C1orf162: variants seen among roughly 807,000 people sequenced by gnomAD.
C1orf162 encodes chromosome 1 open reading frame 162, also known as transmembrane protein C1orf162.
C1orf162 carries 10 observed loss-of-function variants against 11.4 expected under a neutral mutation model. The observed-to-expected ratio is 0.88, with a 90% CI of 0.54 to 1.48. The LOEUF is 1.48. Among genes scored for constraint, C1orf162 ranks in the 40% most tolerant of loss-of-function variants. The pLI is 0.00. For synonymous variants in C1orf162, 53 were observed against 55.0 expected (o/e 0.96, Z 0.16); for missense variants, 140 against 149.5 (o/e 0.94, Z 0.33).
Position 111,473,993 on chromosome 1 carries a change from C to T in C1orf162, c.-49C>T, listed in dbSNP as rs150360061. On this transcript the variant is annotated 5_prime_UTR_variant, in exon 1 of 6. The change creates a new upstream start codon in the 5' untranslated region. Transcript: ENST00000369718. ...AGCAAGTGAAATGCTCAGTCTTAGA[C>T]GACTGCGTCGTGCTATGACCGGACT... 2.0e-3 allele frequency: 311 copies of T among 152,312 alleles called. 1 individual carries two copies. The highest frequency in any genetic ancestry group is 6.9e-3 in the African/African-American group (288 of 41,576). The allele number at this position is 152,312 out of a possible 1,614,324, so 9.4% of individuals were successfully genotyped here.
In C1orf162 at chr1:111,478,298, T is replaced by C; in HGVS notation, c.*175T>C. ...CATCTTTGGAGACCAATGGTCAGTC[T>C]TTTCCTGGCCAGAGGAAAGATTGAT... On this transcript the variant is annotated 3_prime_UTR_variant, in exon 6 of 6. Transcript: ENST00000369718. The C allele has an allele frequency of 1.3e-6, 1 of 747,160 alleles. No homozygotes were observed. The highest frequency in any genetic ancestry group is 2.2e-6 in the Non-Finnish European group (1 of 463,884). 46.3% of individuals were successfully genotyped at this position (747,160 alleles called of 1,614,324 possible).
At chr1:111,477,621 A>G in intron 4 of C1orf162, 105 bp from the exon 5 acceptor site, 2 of 1,580,404 alleles carry the variant, frequency 1.3e-6, no homozygotes, top group Non-Finnish European at 1.7e-6. Context: ...ACCTGCCAAC[A>G]CCTCCTCCCC....
intron 1 of C1orf162, among the ~76,000 whole-genome samples, chr1:111,474,232 A>G (rs1653923139): frequency 6.6e-6 from 1 of 152,236 alleles, no homozygotes; most frequent in African/African-American, 2.4e-5. Flanking sequence ...AAGTATATAT[A>G]GCACCGCTTC....
Position 111,477,322 on chromosome 1 carries a change from T to C in C1orf162, c.108-12T>C, listed in dbSNP as rs373679552. On this transcript the variant is annotated splice_polypyrimidine_tract_variant and intron_variant, in intron 3 of 5. Transcript: ENST00000369718. The stretch of plus-strand genomic sequence containing the variant: ...CCAACAGTTCATCCCCTGCCTTTCT[T>C]TGCCAAAACAGCAAAAAACATTTAA... 8 of 1,611,460 alleles carry C rather than the reference T, an allele frequency of 5.0e-6. No homozygotes were observed. The highest frequency in any genetic ancestry group is 1.7e-5 in the Admixed American group (1 of 60,008).
At position 111,478,099 on chromosome 1, in the gene C1orf162, T is replaced by A; in HGVS notation, c.369T>A (p.Tyr123Ter). The A allele has an allele frequency of 6.2e-7, 1 of 1,614,228 alleles. No individual in the cohort carries two copies. ...NHSADFDPIV[Y>*]AQIKVTN ...CTGCAGACTTTGACCCCATTGTCTA[T>A]GCTCAAATTAAAGTAACAAACTAAC... Residue 123 changes from tyrosine (Y) to a stop codon, truncating the protein, a stop_gained, in exon 6 of 6, where the codon TAT (tyrosine) becomes TAA (stop). Transcript: ENST00000369718. LOFTEE classifies it high-confidence loss of function.
At chr1:111,477,127 G>C (rs531855022) in intron 3 of C1orf162, 7 of 636,756 alleles carry the variant, frequency 1.1e-5, no homozygotes, top group African/African-American at 1.8e-5. Flanking sequence ...GGTTGAGGGA[G>C]GGGGAGAGGA....
At chr1:111,475,975 C>G (rs1653974373) in intron 1 of C1orf162, 43 bp from the exon 2 acceptor site, 1 of 1,555,466 alleles carries the variant, frequency 6.4e-7, no homozygotes, top group Non-Finnish European at 8.9e-7. Flanking sequence ...TAAGCCGGCT[C>G]TCCCTTCCAA....
In C1orf162 at chr1:111,477,397, TATCTTCCTC is replaced by T. The variant is rs1174010387; in HGVS notation, c.175_183del (p.Phe59_Ile61del). 1.9e-6 allele frequency: 3 copies of T among 1,613,982 alleles called. No individual in the cohort carries two copies. The South Asian group carries it at 3.3e-5, about 18-fold the overall frequency. ...TACTGACACTGCTGCTGATAGCCTTTATCTTCCTCATCATAAAGAGCTACAGAAAATGTA... is the reference window on the plus strand; with the variant it reads ...TACTGACACTGCTGCTGATAGCCTTTATCATAAAGAGCTACAGAAAATGTA... On this transcript the variant is annotated inframe_deletion, in exon 4 of 6. Transcript: ENST00000369718.
At position 111,478,311 on chromosome 1, in the gene C1orf162, A is replaced by G; in HGVS notation, c.*188A>G. 2.8e-6 allele frequency: 2 copies of G among 702,308 alleles called. No individual in the cohort carries two copies. The highest frequency in any genetic ancestry group is 4.7e-6 in the Non-Finnish European group (2 of 428,680). 43.5% of individuals were successfully genotyped at this position (702,308 alleles called of 1,614,324 possible). Reference sequence around the variant, plus strand: ...CAATGGTCAGTCTTTTCCTGGCCAGAGGAAAGATTGATGGCCCTCCCACTT... The same window carrying G: ...CAATGGTCAGTCTTTTCCTGGCCAGGGGAAAGATTGATGGCCCTCCCACTT... On this transcript the variant is annotated 3_prime_UTR_variant, in exon 6 of 6. Coordinates refer to ENST00000369718, the MANE Select transcript of C1orf162 (RefSeq NM_001300834.2).
At chr1:111,474,884 A>G (rs1235553436) in intron 1 of C1orf162, 1 of 152,196 alleles carries the variant, frequency 6.6e-6, no homozygotes, top group Admixed American at 6.5e-5. Context: ...TTAACTTTTG[A>G]GAGCTGAACA....
At chr1:111,476,551 T>C (rs1172063599) in intron 2 of C1orf162, among the ~76,000 whole-genome samples, 1 of 133,036 alleles carries the variant, frequency 7.5e-6, no homozygotes, top group Non-Finnish European at 1.7e-5. Context: ...ACATATGAGA[T>C]TTTTTTTTTT....
At chr1:111,477,800 G>T in intron 5 of C1orf162, 25 bp downstream of exon 5, 2 of 1,613,616 alleles carry the variant, frequency 1.2e-6, no homozygotes, top group South Asian at 1.1e-5. Context: ...CTGTTTTGGG[G>T]ACACTGAAGG....
chr1:111,477,272 C>T (rs1285109504), intron 3 of C1orf162, 62 bp from the exon 4 acceptor site: 13 of 1,390,216 alleles, frequency 9.4e-6, no homozygotes, highest in African/African-American at 1.4e-5. Flanking sequence ...AAAGGTTTCA[C>T]TCTTTAGGAA....
At chr1:111,475,925 A>T in intron 1 of C1orf162, 93 bp from the exon 2 acceptor site, 1 of 958,588 alleles carries the variant, frequency 1.0e-6, no homozygotes, top group Non-Finnish European at 1.7e-6. Flanking sequence ...TCTCATTGTT[A>T]CTACTCTTAT....
intron 4 of C1orf162, 126 bp from the exon 5 acceptor site, chr1:111,477,600 G>GGC: frequency 6.7e-7 from 1 of 1,499,862 alleles, no homozygotes; most frequent in South Asian, 1.1e-5. Flanking sequence ...CTTCCGCCCT[G>GGC]CCCCCCACCC....
In C1orf162 at chr1:111,477,976, T is replaced by C. The variant is rs374082394; in HGVS notation, c.253-7T>C. 4.3e-6 allele frequency: 7 copies of C among 1,614,050 alleles called. No homozygotes were observed. The African/African-American group carries it at 9.3e-5, about 22-fold the overall frequency. On this transcript the variant is annotated splice_region_variant and splice_polypyrimidine_tract_variant and intron_variant, in intron 5 of 5. Coordinates refer to ENST00000369718, the MANE Select transcript of C1orf162 (RefSeq NM_001300834.2). Reference sequence around the variant, plus strand: ...CTCACTCATTCCTCCTTTTTCTCCCTCTGCAGCTTTCATCCATCCCAGGGG... The same window carrying C: ...CTCACTCATTCCTCCTTTTTCTCCCCCTGCAGCTTTCATCCATCCCAGGGG...
chr1:111,478,387 C>A lies in C1orf162; in HGVS notation c.*264C>A. 1 of 528,748 alleles carries A rather than the reference C, an allele frequency of 1.9e-6. No homozygotes were observed. Among genetic ancestry groups the A allele is most frequent in the Non-Finnish European group, 3.4e-6 (1 of 293,166 alleles). 32.8% of individuals were successfully genotyped at this position (528,748 alleles called of 1,614,324 possible). On this transcript the variant is annotated 3_prime_UTR_variant, in exon 6 of 6. Transcript: ENST00000369718. ...GGGGCATAGACTGCCTTCCTTGGACCCTTCCAAAGTGTGTGGTACAGAGCT... is the reference window on the plus strand; with the variant it reads ...GGGGCATAGACTGCCTTCCTTGGACACTTCCAAAGTGTGTGGTACAGAGCT...
chr1:111,476,960 C>CT, intron 3 of C1orf162, 93 bp downstream of exon 3: 1 of 1,357,266 alleles, frequency 7.4e-7, no homozygotes, highest in African/African-American at 1.4e-5. Context: ...GGCAGGGAGA[C>CT]TGGGGAGAAA....
At chr1:111,477,938 G>T (rs1481298721) in intron 5 of C1orf162, 45 bp from the exon 6 acceptor site, 1 of 1,612,968 alleles carries the variant, frequency 6.2e-7, no homozygotes, top group South Asian at 1.1e-5. Context: ...GCAACCTTTT[G>T]CTCCAGACTG....
Sources: allele counts gnomAD v4.1 joint callset (sites outside exome capture counted in the v4.1 genomes callset), GRCh38; gene constraint gnomAD v4.1.1; transcripts MANE v1.5; gene names NCBI Gene and HGNC (gene_info 2026-07-23, HGNC 2026-07-21).